JAK3: variants seen among roughly 807,000 people sequenced by gnomAD.
The protein encoded by JAK3 is Janus kinase 3, also known as tyrosine-protein kinase JAK3.
A neutral mutation model predicts 120.8 loss-of-function variants in JAK3; 88 were observed. That is an observed-to-expected ratio of 0.73 (90% CI 0.61 to 0.87). JAK3 has a LOEUF of 0.87. JAK3 is among the 40% of genes least tolerant of loss of function. JAK3 has a pLI of 0.00. For synonymous variants in JAK3, 592 were observed against 628.6 expected (o/e 0.94, Z 0.87); for missense variants, 1,254 against 1,501.4 (o/e 0.84, Z 2.72).
chr19:17,826,525 C>T lies in JAK3; in HGVS notation c.*218G>A, dbSNP rs1009070924. The T allele has an allele frequency of 3.3e-6, 2 of 607,152 alleles. No homozygotes were observed. Among genetic ancestry groups the T allele is most frequent in the African/African-American group, 3.7e-5 (2 of 54,416 alleles). 37.6% of individuals were successfully genotyped at this position (607,152 alleles called of 1,614,324 possible). A position where few individuals can be genotyped will look rare whatever the true frequency, so the allele number is the denominator to read the frequency against. Reference sequence around the variant, plus strand: ...CTTTGGGCCAGGACTCAGAGAGCCCCACTGACACATATGCCCATCTGTCTT... The same window carrying T: ...CTTTGGGCCAGGACTCAGAGAGCCCTACTGACACATATGCCCATCTGTCTT... On this transcript the variant is annotated 3_prime_UTR_variant, in exon 24 of 24. Coordinates refer to ENST00000458235, the MANE Select transcript of JAK3 (RefSeq NM_000215.4).
intron 17 of JAK3, among the ~76,000 whole-genome samples, chr19:17,833,225 T>C (rs1453095001): frequency 2.0e-5 from 3 of 152,208 alleles, no homozygotes; most frequent in African/African-American, 4.8e-5. Flanking sequence ...TGTGGCCACA[T>C]GACTGAGCTC....
chr19:17,827,083 A>C (rs2094205293), intron 23 of JAK3, among the ~76,000 whole-genome samples, 173 bp from the exon 24 acceptor site: 1 of 151,334 alleles, frequency 6.6e-6, no homozygotes, highest in Non-Finnish European at 1.5e-5. Context: ...GGGTTCAAGC[A>C]ATTATCCTGC....
At position 17,841,388 on chromosome 19, in the gene JAK3, C is replaced by T. The variant is rs1232129873; in HGVS notation, c.1142+1G>A. The T allele has an allele frequency of 6.5e-7, 1 of 1,548,472 alleles. No individual in the cohort carries two copies. Among genetic ancestry groups the T allele is most frequent in the Middle Eastern group, 1.7e-4 (1 of 5,954 alleles). ...GCCGGGAATGGGGGACAGGTCCTTA[C>T]GTGATGGGGCCGTGGCACTGCTCGG... On this transcript the variant is annotated splice_donor_variant, in intron 8 of 23. Coordinates refer to ENST00000458235, the MANE Select transcript of JAK3 (RefSeq NM_000215.4). LOFTEE classifies it high-confidence loss of function. The surrounding 1 kb of genome is among the most constrained non-coding windows in gnomAD (Gnocchi z 4.1).
At position 17,843,950 on chromosome 19, in the gene JAK3, C is replaced by T. The variant is rs201799924; in HGVS notation, c.185-50G>A. ...CCCTCCTGAGTCACCCCATCTGTGC[C>T]CTTCAGGAGTGCCAGCATCATACCC... On this transcript the variant is annotated intron_variant, in intron 2 of 23. Transcript: ENST00000458235. This position sits in a 1 kb window ranked among gnomAD's most constrained non-coding sequence, Gnocchi z 5.4. The T allele has an allele frequency of 1.2e-5, 19 of 1,607,794 alleles. No homozygotes were observed. The highest frequency in any genetic ancestry group is 1.6e-5 in the Non-Finnish European group (19 of 1,176,602).
chr19:17,842,565 G>A lies in JAK3; in HGVS notation c.612C>T (p.Gly204=). ...LPPSLRDLIQ[G]LSFVTRRRIR... is the part of the protein sequence containing the mutation. ...TACGCCTCCGCGTCACGAAGCTCAG[G>A]CCCTGGATCAGGTCGCGCAGGCTTG... Residue 204 remains glycine (G), a synonymous_variant, in exon 6 of 24, where the codon GGC becomes GGT. Coordinates refer to ENST00000458235, the MANE Select transcript of JAK3 (RefSeq NM_000215.4). The surrounding 1 kb of genome is among the most constrained non-coding windows in gnomAD (Gnocchi z 6.4). The A allele has an allele frequency of 6.3e-7, 1 of 1,587,530 alleles. No individual in the cohort carries two copies. Among genetic ancestry groups the A allele is most frequent in the Non-Finnish European group, 8.6e-7 (1 of 1,167,218 alleles).
chr19:17,844,981 T>C (rs1227144119), intron 1 of JAK3, among the ~76,000 whole-genome samples: 1 of 151,156 alleles, frequency 6.6e-6, no homozygotes, highest in Non-Finnish European at 1.5e-5. Flanking sequence ...GGGCTTCGAG[T>C]CCCCTGAGAA....
intron 23 of JAK3, among the ~76,000 whole-genome samples, chr19:17,827,775 G>A (rs1213638825): frequency 7.2e-6 from 1 of 139,820 alleles, no homozygotes; most frequent in Non-Finnish European, 1.5e-5. Context: ...GGTGGCGTGT[G>A]CCTGTAATCC....
rs571530597 is a variant in JAK3 at position 17,825,969 on chromosome 19, G to A, written c.*774C>T. On this transcript the variant is annotated 3_prime_UTR_variant, in exon 24 of 24. Transcript: ENST00000458235. ...AAATAAGACAGGAAACTCAAAACTA[G>A]GTGCTGTAGTCCCAGCTATTTAGGA... 20 of 149,626 alleles carry A rather than the reference G, an allele frequency of 1.3e-4. No homozygotes were observed. The highest frequency in any genetic ancestry group is 4.7e-4 in the African/African-American group (19 of 40,524). 9.3% of individuals were successfully genotyped at this position (149,626 alleles called of 1,614,324 possible).
chr19:17,830,771 G>C (rs1347794470), intron 21 of JAK3, 151 bp from the exon 22 acceptor site: 1 of 672,156 alleles, frequency 1.5e-6, no homozygotes, highest in Admixed American at 2.2e-5. Flanking sequence ...CTGTGGGATA[G>C]GTGGATTCTC....
intron 17 of JAK3, among the ~76,000 whole-genome samples, 193 bp from the exon 18 acceptor site, chr19:17,833,122 TCCTCGTGCAGTGCACAC>T (rs2094217495): frequency 6.6e-6 from 1 of 152,224 alleles, no homozygotes; most frequent in Non-Finnish European, 1.5e-5. Flanking sequence ...AAAGGAAGCC[TCCTCGTGCAGTGCACAC>T]CCTGTGCAAC....
At chr19:17,838,875 C>G (rs1023242178) in intron 10 of JAK3, among the ~76,000 whole-genome samples, 1 of 151,870 alleles carries the variant, frequency 6.6e-6, no homozygotes, top group East Asian at 1.9e-4. Flanking sequence ...GCCAGCACAC[C>G]CAGCTAATTT....
chr19:17,847,432 G>A (rs1213855608), intron 1 of JAK3, among the ~76,000 whole-genome samples: 2 of 152,136 alleles, frequency 1.3e-5, no homozygotes, highest in African/African-American at 4.8e-5. Flanking sequence ...CCCAGAAAAC[G>A]CCATAGTTTT....
Position 17,831,475 on chromosome 19 carries a change from C to G in JAK3, c.2806-75G>C, listed in dbSNP as rs1047994060. The stretch of plus-strand genomic sequence containing the variant: ...CAGGTACCCCAAGCGTGACCTGGCA[C>G]CCCAACCCAGACCCCAACTATAACC... On this transcript the variant is annotated intron_variant, in intron 20 of 23. Coordinates refer to ENST00000458235, the MANE Select transcript of JAK3 (RefSeq NM_000215.4). The surrounding 1 kb of genome is among the most constrained non-coding windows in gnomAD (Gnocchi z 5.1). The G allele has an allele frequency of 6.3e-7, 1 of 1,578,872 alleles. No homozygotes were observed. Among genetic ancestry groups the G allele is most frequent in the African/African-American group, 1.3e-5 (1 of 74,392 alleles).
chr19:17,829,358 CATGTTGGCCA>C (rs1407900453), intron 23 of JAK3, among the ~76,000 whole-genome samples: 1 of 152,032 alleles, frequency 6.6e-6, no homozygotes, highest in East Asian at 1.9e-4. Context: ...AGGGTGTCAC[CATGTTGGCCA>C]GGCTAGTCTC....
At position 17,825,104 on chromosome 19, in the gene JAK3, C is replaced by G. The variant is rs966300855; in HGVS notation, c.*1639G>C. The G allele has an allele frequency of 1.3e-5, 3 of 229,368 alleles. No individual in the cohort carries two copies. Among genetic ancestry groups the G allele is most frequent in the African/African-American group, 6.7e-5 (3 of 45,084 alleles). 14.2% of individuals were successfully genotyped at this position (229,368 alleles called of 1,614,324 possible). ...TTAACCTGCATGAGAATCCCTCTCA[C>G]CAGTCAGAAAGTTGACCCTGCACAG... is the stretch of plus-strand genomic sequence containing the variant. On this transcript the variant is annotated 3_prime_UTR_variant, in exon 24 of 24. Coordinates refer to ENST00000458235, the MANE Select transcript of JAK3 (RefSeq NM_000215.4).
rs765549264 is a variant in JAK3 at position 17,839,661 on chromosome 19, G to T, written c.1257C>A (p.Asn419Lys). 2 of 1,609,098 alleles carry T rather than the reference G, an allele frequency of 1.2e-6. No homozygotes were observed. Among genetic ancestry groups the T allele is most frequent in the East Asian group, 2.2e-5 (1 of 44,798 alleles). Residue 419 changes from asparagine to lysine, a missense_variant and splice_region_variant, in exon 10 of 24, where the codon AAC (asparagine) becomes AAA (lysine). Physicochemically the swap from Asn to Lys is moderately conservative, Grantham distance 94. Around this residue, in one of 3 missense-constraint regions of JAK3, gnomAD observed 486 missense variants for 503.0 expected, o/e 0.97. Coordinates refer to ENST00000458235, the MANE Select transcript of JAK3 (RefSeq NM_000215.4). ...DSFLLTVCVQ[N>K]PLGPDYKGCL... ...AGCCCTTATAATCAGGACCAAGGGG[G>T]TTCTGCAAAGAAGAGTGGCCCCTGA... is the stretch of plus-strand genomic sequence containing the variant.
rs547783501 is a variant in JAK3, at chr19:17,842,240, T to C, written c.861+76A>G. 1.2e-3 allele frequency: 1,612 copies of C among 1,382,626 alleles called. 3 individuals are homozygous for C. The highest frequency in any genetic ancestry group is 2.6e-3 in the Admixed American group (92 of 35,942). The allele number at this position is 1,382,626 out of a possible 1,614,324, so 85.6% of individuals were successfully genotyped here. On this transcript the variant is annotated intron_variant, in intron 6 of 23. Coordinates refer to ENST00000458235, the MANE Select transcript of JAK3 (RefSeq NM_000215.4). This position sits in a 1 kb window ranked among gnomAD's most constrained non-coding sequence, Gnocchi z 6.4. ...TCTTTCGTTTTGGCTCCGCCCCACATCCCCTACCACTCTCCGGCCCCTCCC... is the reference window on the plus strand; with the variant it reads ...TCTTTCGTTTTGGCTCCGCCCCACACCCCCTACCACTCTCCGGCCCCTCCC...
intron 13 of JAK3, chr19:17,836,864 G>A (rs1379508521): frequency 1.1e-5 from 6 of 566,132 alleles, no homozygotes; most frequent in African/African-American, 7.4e-5. Flanking sequence ...GAAAGGTTAC[G>A]TGACCTGTAC....
rs1211111547 is a variant in JAK3, at chr19:17,844,703, A to G, written c.-13-273T>C. 2.6e-5 allele frequency among the ~76,000 whole-genome samples: 4 copies of G among 151,604 alleles called. No homozygotes were observed. The East Asian group carries it at 7.8e-4, about 29-fold the overall frequency. The stretch of plus-strand genomic sequence containing the variant: ...TCCCAGCAACTCGGGAGGCTGAGGC[A>G]GGACAATCACTTGAACCTGGGAGGC... On this transcript the variant is annotated intron_variant, in intron 1 of 23. Transcript: ENST00000458235.
Sources: allele counts gnomAD v4.1 joint callset (sites outside exome capture counted in the v4.1 genomes callset), GRCh38; gene constraint gnomAD v4.1.1; regional missense constraint gnomAD v4.1.1; non-coding constraint Gnocchi (gnomAD v3.1); transcripts MANE v1.5; gene names NCBI Gene and HGNC (gene_info 2026-07-23, HGNC 2026-07-21).